Variants in TBC1D22A observed in about 807,000 individuals in gnomAD.
The protein encoded by TBC1D22A is TBC1 domain family member 22A.
A neutral mutation model predicts 60.2 loss-of-function variants in TBC1D22A; 38 were observed. The observed-to-expected ratio is 0.63, with a 90% CI of 0.49 to 0.83. The LOEUF (loss-of-function observed/expected upper bound fraction) is 0.83, where lower values mean the gene tolerates loss of function less well. Ranked by LOEUF, TBC1D22A falls within the 40% of genes least tolerant of loss-of-function variation. The pLI is 0.00. For missense variants in TBC1D22A, 628 were observed against 701.0 expected (o/e 0.90, Z 1.18); for synonymous variants, 302 against 281.7 (o/e 1.07, Z -0.72).
intron 1 of TBC1D22A, chr22:46,763,966 T>A (rs968439952): frequency 6.6e-6 from 1 of 152,250 alleles, no homozygotes; most frequent in African/African-American, 2.4e-5. Flanking sequence ...TGGTGGCACA[T>A]GCCTGTAATC....
chr22:46,897,737 G>T (rs986522791), intron 7 of TBC1D22A, among the ~76,000 whole-genome samples: 1 of 146,028 alleles, frequency 6.8e-6, no homozygotes, highest in Non-Finnish European at 1.5e-5. Context: ...CCTGCCTGAC[G>T]TGTTTTATTA....
At chr22:47,018,745 G>A (rs73890563) in intron 10 of TBC1D22A, among the ~76,000 whole-genome samples, 1,818 of 152,276 alleles carry the variant, frequency 0.012, 31 homozygotes, top group African/African-American at 0.041. Context: ...ATCGCCATGA[G>A]GAGTGGGTCC....
chr22:46,905,345 T>C (rs912245263), intron 7 of TBC1D22A, among the ~76,000 whole-genome samples: 2 of 152,224 alleles, frequency 1.3e-5, no homozygotes, highest in South Asian at 2.1e-4. Context: ...TCCTTTCTGA[T>C]GGAGACAGTC....
rs139503058 is a variant in TBC1D22A at position 47,073,208 on chromosome 22, C to G, written c.1329+36010C>G. On this transcript the variant is annotated intron_variant, in intron 11 of 12. Transcript: ENST00000337137. ...AAATAGACATGACCCAGAAAACTCA[C>G]GAGGAAAGAGGAAATCGTGTACTTT... Among the ~76,000 whole-genome samples the G allele has an allele frequency of 2.0e-5, 3 of 152,146 alleles. No homozygotes were observed. The South Asian group carries it at 6.2e-4, about 31-fold the overall frequency.
intron 9 of TBC1D22A, among the ~76,000 whole-genome samples, chr22:46,989,503 G>A (rs2074853211): frequency 6.6e-6 from 1 of 152,032 alleles, no homozygotes; most frequent in African/African-American, 2.4e-5. Flanking sequence ...GTTCTTACTT[G>A]GCCTAATATC....
intron 6 of TBC1D22A, among the ~76,000 whole-genome samples, chr22:46,892,509 T>G (rs1001874536): frequency 2.0e-5 from 3 of 152,106 alleles, no homozygotes; most frequent in Non-Finnish European, 4.4e-5. Flanking sequence ...GCCTTCTGTC[T>G]CTCATCAGGG....
intron 12 of TBC1D22A, among the ~76,000 whole-genome samples, chr22:47,137,974 C>T (rs2066935893): frequency 6.6e-6 from 1 of 152,162 alleles, no homozygotes; most frequent in South Asian, 2.1e-4. Context: ...TGTGATGTTA[C>T]TGGCACCCCC....
intron 11 of TBC1D22A, among the ~76,000 whole-genome samples, chr22:47,096,013 C>A (rs996149376): frequency 8.5e-5 from 13 of 152,246 alleles, no homozygotes; most frequent in African/African-American, 3.1e-4. Flanking sequence ...TCAGATTAGT[C>A]CTTGGTCTTT....
In TBC1D22A at chr22:47,110,062, T is replaced by C. The variant is rs1263979228; in HGVS notation, c.1330-1446T>C. Among the ~76,000 whole-genome samples the C allele has an allele frequency of 2.6e-5, 4 of 152,298 alleles. No homozygotes were observed. In the East Asian group the frequency reaches 7.7e-4, roughly 29 times the overall value. On this transcript the variant is annotated intron_variant, in intron 11 of 12. Coordinates refer to ENST00000337137, the MANE Select transcript of TBC1D22A (RefSeq NM_014346.5). ...TGTTCCTGCCATTGCTTGCCTCTGC[T>C]CGCCTCGTTCTGCGGTAGCTGTGCT...
intron 4 of TBC1D22A, among the ~76,000 whole-genome samples, chr22:46,834,599 G>A (rs1279370752): frequency 6.6e-6 from 1 of 152,202 alleles, no homozygotes; most frequent in Non-Finnish European, 1.5e-5. Flanking sequence ...AGAACACTGA[G>A]TGGATCAGCA....
chr22:46,848,112 T>C (rs1268598834), intron 4 of TBC1D22A, among the ~76,000 whole-genome samples: 1 of 152,240 alleles, frequency 6.6e-6, no homozygotes, highest in Admixed American at 6.5e-5. Context: ...AGTTGGATGA[T>C]GGCTTTGTGA....
chr22:46,849,435 C>T (rs542288877), intron 4 of TBC1D22A, among the ~76,000 whole-genome samples: 4 of 152,334 alleles, frequency 2.6e-5, no homozygotes, highest in South Asian at 2.1e-4. Flanking sequence ...ACAGCTTCCA[C>T]GCACTGTGGT....
intron 12 of TBC1D22A, among the ~76,000 whole-genome samples, chr22:47,131,063 T>C (rs1427909210): frequency 6.6e-6 from 1 of 152,128 alleles, no homozygotes; most frequent in Non-Finnish European, 1.5e-5. Context: ...CCACGCTCTT[T>C]ACACCACCAG....
At chr22:46,961,306 C>T (rs1254697862) in intron 8 of TBC1D22A, among the ~76,000 whole-genome samples, 7 of 152,174 alleles carry the variant, frequency 4.6e-5, no homozygotes, top group Non-Finnish European at 8.8e-5. Context: ...ATCCACCTTC[C>T]TTATGTATTT....
In TBC1D22A at chr22:46,823,048, T is replaced by C. The variant is rs557530131; in HGVS notation, c.637+25428T>C. ...TCAGACCAATGTGGGTAACCTCTGC[T>C]GTCAGGAACCACAAGTATCCGGCTG... On this transcript the variant is annotated intron_variant, in intron 4 of 12. Transcript: ENST00000337137. Among the ~76,000 whole-genome samples the C allele has an allele frequency of 3.3e-5, 5 of 152,318 alleles. No individual in the cohort carries two copies. The East Asian group carries it at 9.7e-4, about 29-fold the overall frequency.
chr22:47,152,689 T>G (rs1465774195), intron 12 of TBC1D22A, among the ~76,000 whole-genome samples: 1 of 152,230 alleles, frequency 6.6e-6, no homozygotes, highest in Non-Finnish European at 1.5e-5. Context: ...CATTTATATT[T>G]GTCATCTCAT....
chr22:46,892,199 C>G (rs1019520178), intron 6 of TBC1D22A, among the ~76,000 whole-genome samples: 7 of 152,004 alleles, frequency 4.6e-5, no homozygotes, highest in African/African-American at 1.5e-4. Context: ...AGGAATGTTT[C>G]CCTCTGCAAA....
intron 4 of TBC1D22A, among the ~76,000 whole-genome samples, chr22:46,800,301 G>A (rs2084840399): frequency 6.6e-6 from 1 of 152,162 alleles, no homozygotes. Flanking sequence ...TGTGGGGGAT[G>A]GGTCTGTGAG....
chr22:46,995,714 G>A (rs1228034745), intron 9 of TBC1D22A, among the ~76,000 whole-genome samples: 5 of 152,076 alleles, frequency 3.3e-5, no homozygotes, highest in African/African-American at 4.8e-5. Context: ...CCTCCCGAGG[G>A]CTGACACCCT....
Sources: gnomAD v4.1 joint callset for allele counts (sites outside exome capture counted in the v4.1 genomes callset) on GRCh38, gnomAD v4.1.1 for gene constraint, MANE v1.5 for transcripts, NCBI Gene and HGNC (gene_info 2026-07-23, HGNC 2026-07-21) for gene names.